The following COG7 variants were observed in gnomAD, a reference collection of about 807,000 sequenced individuals.
COG7 encodes the protein component of oligomeric golgi complex 7, also known as conserved oligomeric Golgi complex subunit 7.
Under a neutral mutation model 91.5 loss-of-function variants are expected in COG7, and 49 were observed. The ratio of observed to expected loss-of-function variants is 0.54; its 90% confidence interval spans 0.43 to 0.68. The LOEUF is 0.68. COG7 is among the 30% of genes least tolerant of loss of function. The pLI, the probability that COG7 is intolerant of heterozygous loss-of-function variation, is 0.00. For missense variants in COG7, 895 were observed against 961.3 expected (o/e 0.93, Z 0.91); for synonymous variants, 365 against 388.7 (o/e 0.94, Z 0.72).
At chr16:23,424,632 G>T in intron 7 of COG7, 117 bp downstream of exon 7, 1 of 1,065,778 alleles carries the variant, frequency 9.4e-7, no homozygotes, top group Admixed American at 1.8e-5. Flanking sequence ...GGAAAACACC[G>T]ATCCCTTCCA....
intron 14 of COG7, 140 bp from the exon 15 acceptor site, chr16:23,393,487 G>A (rs1310480403): frequency 8.7e-6 from 6 of 689,770 alleles, no homozygotes; most frequent in African/African-American, 1.8e-5. Context: ...TTTCTAGTAT[G>A]TGGCGATGCT....
chr16:23,433,048 G>A (rs745749053), intron 6 of COG7, among the ~76,000 whole-genome samples: 3 of 152,034 alleles, frequency 2.0e-5, no homozygotes, highest in Non-Finnish European at 4.4e-5. Context: ...TCACTGACGT[G>A]GATTTCTAAG....
At chr16:23,434,349 T>C (rs927598013) in intron 5 of COG7, among the ~76,000 whole-genome samples, 4 of 152,008 alleles carry the variant, frequency 2.6e-5, no homozygotes, top group African/African-American at 4.8e-5. Context: ...GACATAAATC[T>C]CCCTTAAAAG....
intron 13 of COG7, 149 bp downstream of exon 13, chr16:23,403,545 G>T: frequency 1.1e-6 from 1 of 903,234 alleles, no homozygotes; most frequent in Non-Finnish European, 1.8e-6. Context: ...GCAATGAGGT[G>T]AAATTGGAAA....
chr16:23,409,767 G>A (rs1963532879), intron 11 of COG7, among the ~76,000 whole-genome samples: 1 of 152,180 alleles, frequency 6.6e-6, no homozygotes, highest in Admixed American at 6.5e-5. Flanking sequence ...GGTATGAGAA[G>A]AGAGGAAGGG....
In COG7 at chr16:23,410,327, A is replaced by G. The variant is rs775077037; in HGVS notation, c.1443T>C (p.His481=). 16 of 1,614,010 alleles carry G rather than the reference A, an allele frequency of 9.9e-6. No individual in the cohort carries two copies. The East Asian group carries it at 3.3e-4, about 34-fold the overall frequency. Residue 481 remains histidine, a synonymous_variant, in exon 11 of 17, where the codon CAT becomes CAC. Coordinates refer to ENST00000307149, the MANE Select transcript of COG7 (RefSeq NM_153603.4). ...IIATCGELLR[H]CGDFEQQLAN... ...CTAGCTGCTGCTCGAAGTCCCCACA[A>G]TGCCGCAAAAGCTCTCCACAGGTGG...
chr16:23,399,194 TC>T, intron 13 of COG7, among the ~76,000 whole-genome samples: 1 of 152,240 alleles, frequency 6.6e-6, no homozygotes, highest in East Asian at 1.9e-4. Flanking sequence ...TCGGCAGCCC[TC>T]CCCGTGCTCT....
chr16:23,402,730 T>C (rs1253162070), intron 13 of COG7, among the ~76,000 whole-genome samples: 1 of 152,206 alleles, frequency 6.6e-6, no homozygotes, highest in Non-Finnish European at 1.5e-5. Flanking sequence ...CTCATGGCAT[T>C]TTGCACAGAA....
At chr16:23,397,984 CAAAAGACAAGGAAGGTCT>C (rs1461607607) in intron 14 of COG7, 44 bp downstream of exon 14, 1 of 1,412,868 alleles carries the variant, frequency 7.1e-7, no homozygotes, top group East Asian at 2.3e-5. Flanking sequence ...GGGCAAGAAT[CAAAAGACAAGGAAGGTCT>C]GAAAGACTTG....
chr16:23,431,496 A>G (rs1963933579), intron 6 of COG7, among the ~76,000 whole-genome samples: 1 of 152,172 alleles, frequency 6.6e-6, no homozygotes, highest in Non-Finnish European at 1.5e-5. Context: ...AAGTAGTAGA[A>G]GAGGCAAGAA....
chr16:23,453,049 A>C lies in COG7; in HGVS notation c.-55T>G. 3.1e-6 allele frequency: 5 copies of C among 1,610,380 alleles called. No homozygotes were observed. The highest frequency in any genetic ancestry group is 1.3e-5 in the African/African-American group (1 of 75,012). On this transcript the variant is annotated 5_prime_UTR_variant, in exon 1 of 17. Coordinates refer to ENST00000307149, the MANE Select transcript of COG7 (RefSeq NM_153603.4). ...AACTTAAGAGTTGGCTCCGGGCGGC[A>C]ACGGGGATGCAGAAGCGAGCGAGCC...
chr16:23,449,976 C>T (rs981481311), intron 1 of COG7, among the ~76,000 whole-genome samples: 4 of 151,886 alleles, frequency 2.6e-5, no homozygotes, highest in African/African-American at 9.7e-5. Flanking sequence ...ACTCTGTCAC[C>T]CAGGCTGGAG....
intron 8 of COG7, among the ~76,000 whole-genome samples, chr16:23,418,220 T>C (rs1272766147): frequency 6.6e-6 from 1 of 152,202 alleles, no homozygotes; most frequent in Non-Finnish European, 1.5e-5. Flanking sequence ...AATAGAAAAC[T>C]AGGGCCCGGC....
At chr16:23,429,678 C>A (rs1214479915) in intron 6 of COG7, among the ~76,000 whole-genome samples, 1 of 152,064 alleles carries the variant, frequency 6.6e-6, no homozygotes, top group Non-Finnish European at 1.5e-5. Context: ...GCAGGACAAC[C>A]ACTTGAACCT....
At chr16:23,422,510 A>G (rs369895994) in intron 7 of COG7, among the ~76,000 whole-genome samples, 3 of 148,820 alleles carry the variant, frequency 2.0e-5, no homozygotes, top group South Asian at 4.2e-4. Flanking sequence ...AGTATTTAAT[A>G]TATTTAATAT....
Position 23,413,570 on chromosome 16 carries a change from G to T in COG7, c.1293-6C>A. 1 of 1,504,550 alleles carries T rather than the reference G, an allele frequency of 6.6e-7. No individual in the cohort carries two copies. Among genetic ancestry groups the T allele is most frequent in the Non-Finnish European group, 9.3e-7 (1 of 1,080,126 alleles). The allele number at this position is 1,504,550 out of a possible 1,614,324, so 93.2% of individuals were successfully genotyped here. On this transcript the variant is annotated splice_polypyrimidine_tract_variant and splice_region_variant and intron_variant, in intron 9 of 16. Coordinates refer to ENST00000307149, the MANE Select transcript of COG7 (RefSeq NM_153603.4). ...TGGTGAAATCAGACACATACCTGCC[G>T]GGAAAGGGAAGAAAATGGTAGGGAG... is the stretch of plus-strand genomic sequence containing the variant.
At chr16:23,423,272 C>A (rs1963789090) in intron 7 of COG7, among the ~76,000 whole-genome samples, 1 of 151,984 alleles carries the variant, frequency 6.6e-6, no homozygotes, top group Admixed American at 6.6e-5. Context: ...GAGGCTGAGG[C>A]AGGAGAATTG....
At chr16:23,420,302 A>C (rs1227971271) in intron 7 of COG7, among the ~76,000 whole-genome samples, 1 of 152,262 alleles carries the variant, frequency 6.6e-6, no homozygotes, top group African/African-American at 2.4e-5. Context: ...ACACAGAGAC[A>C]GAAGGATGTT....
chr16:23,414,024 T>A (rs1283411791), intron 9 of COG7: 1 of 164,138 alleles, frequency 6.1e-6, no homozygotes, highest in Non-Finnish European at 1.3e-5. Flanking sequence ...TAAATTTAGA[T>A]TAAATACCCG....
Sources: allele counts gnomAD v4.1 joint callset (sites outside exome capture counted in the v4.1 genomes callset), GRCh38; gene constraint gnomAD v4.1.1; transcripts MANE v1.5; gene names NCBI Gene and HGNC (gene_info 2026-07-23, HGNC 2026-07-21).